The following MOB3B variants were observed in gnomAD, a reference collection of about 807,000 sequenced individuals.
The protein encoded by MOB3B is MOB kinase activator-like 2B.
Under a neutral mutation model 18.7 loss-of-function variants are expected in MOB3B, and 7 were observed. The observed-to-expected ratio is 0.37, with a 90% CI of 0.21 to 0.70. MOB3B has a LOEUF of 0.70. Ranked by LOEUF, MOB3B falls within the 30% of genes least tolerant of loss-of-function variation. MOB3B has a pLI of 0.52. For synonymous variants in MOB3B, 111 were observed against 99.9 expected, an observed-to-expected ratio of 1.11 and a Z score of -0.66; for missense variants, 253 against 281.3, an observed-to-expected ratio of 0.90 and a Z score of 0.72.
chr9:27,335,556 A>G (rs1392024161), intron 3 of MOB3B, among the ~76,000 whole-genome samples: 2 of 152,138 alleles, frequency 1.3e-5, no homozygotes, highest in South Asian at 2.1e-4. Context: ...CCAAGTCTCC[A>G]CTGTAACATA....
intron 2 of MOB3B, among the ~76,000 whole-genome samples, chr9:27,395,531 G>A (rs1244546621): frequency 6.6e-6 from 1 of 152,144 alleles, no homozygotes; most frequent in Non-Finnish European, 1.5e-5. Context: ...TGGAACAGTT[G>A]CTAGCCTGCT....
intron 3 of MOB3B, among the ~76,000 whole-genome samples, chr9:27,340,288 C>T (rs143496629): frequency 1.5e-4 from 23 of 152,312 alleles, no homozygotes; most frequent in Non-Finnish European, 2.5e-4. Context: ...TCGCCACCCA[C>T]GGAGAATATT....
At chr9:27,441,054 T>A (rs985321328) in intron 2 of MOB3B, among the ~76,000 whole-genome samples, 14 of 152,190 alleles carry the variant, frequency 9.2e-5, no homozygotes, top group African/African-American at 3.4e-4. Flanking sequence ...CATGAGAATC[T>A]AACACCGCCA....
intron 1 of MOB3B, among the ~76,000 whole-genome samples, chr9:27,509,933 C>G (rs1820118936): frequency 6.6e-6 from 1 of 152,170 alleles, no homozygotes; most frequent in Non-Finnish European, 1.5e-5. Context: ...CCATATTGCC[C>G]AGGCTGGTCT....
chr9:27,504,866 C>G (rs1484434876), intron 1 of MOB3B, among the ~76,000 whole-genome samples: 1 of 152,148 alleles, frequency 6.6e-6, no homozygotes, highest in East Asian at 1.9e-4. Context: ...GCTGGAGGTT[C>G]TCAGGGAGAA....
At chr9:27,439,364 C>T (rs1375252312) in intron 2 of MOB3B, among the ~76,000 whole-genome samples, 8 of 152,142 alleles carry the variant, frequency 5.3e-5, no homozygotes, top group East Asian at 1.9e-4. Context: ...TCTTCCTAGC[C>T]GGTGAGACTT....
intron 2 of MOB3B, among the ~76,000 whole-genome samples, chr9:27,444,960 A>C (rs1587219713): frequency 6.6e-6 from 1 of 152,224 alleles, no homozygotes; most frequent in South Asian, 2.1e-4. Flanking sequence ...TTGGTATTCA[A>C]ATTTTGATCA....
chr9:27,332,899 T>C (rs561952308), intron 3 of MOB3B, among the ~76,000 whole-genome samples: 1 of 152,374 alleles, frequency 6.6e-6, no homozygotes, highest in South Asian at 2.1e-4. Context: ...GGTTAAAGCC[T>C]CTAAGATAGT....
At chr9:27,482,743 A>C (rs1055794682) in intron 1 of MOB3B, among the ~76,000 whole-genome samples, 1 of 152,224 alleles carries the variant, frequency 6.6e-6, no homozygotes, top group African/African-American at 2.4e-5. Flanking sequence ...GGTTCCTGAC[A>C]AAATCCCTGT....
intron 2 of MOB3B, among the ~76,000 whole-genome samples, chr9:27,376,143 CATAA>C (rs1351419112): frequency 1.3e-5 from 2 of 152,198 alleles, no homozygotes; most frequent in Admixed American, 6.5e-5. Context: ...TTGTACTTGA[CATAA>C]GTATTAGATA....
At chr9:27,350,095 A>G (rs967339856) in intron 3 of MOB3B, among the ~76,000 whole-genome samples, 1 of 152,196 alleles carries the variant, frequency 6.6e-6, no homozygotes, top group South Asian at 2.1e-4. Context: ...AGGCTAAGAA[A>G]CTAATTTTTA....
At chr9:27,516,832 C>T (rs770902421) in intron 1 of MOB3B, among the ~76,000 whole-genome samples, 5 of 152,154 alleles carry the variant, frequency 3.3e-5, no homozygotes, top group African/African-American at 4.8e-5. Flanking sequence ...TCTATCTCTC[C>T]TGGCAGCATC....
intron 2 of MOB3B, among the ~76,000 whole-genome samples, chr9:27,430,871 A>G (rs1822407448): frequency 6.6e-6 from 1 of 150,960 alleles, no homozygotes; most frequent in Non-Finnish European, 1.5e-5. Flanking sequence ...CGTTCAGATC[A>G]TTAACCCCAT....
intron 3 of MOB3B, among the ~76,000 whole-genome samples, chr9:27,345,784 G>T (rs1323615236): frequency 6.6e-6 from 1 of 152,182 alleles, no homozygotes; most frequent in Admixed American, 6.5e-5. Flanking sequence ...CATGGGCTCA[G>T]GTATCTAAAG....
At position 27,326,198 on chromosome 9, in the gene MOB3B, C is replaced by G; in HGVS notation, c.*4389G>C. On this transcript the variant is annotated 3_prime_UTR_variant, in exon 4 of 4. Coordinates refer to ENST00000262244, the MANE Select transcript of MOB3B (RefSeq NM_024761.5). ...TTCTTTTCATGTTCACTGCTGGTCACAGCCATAACAGAGAGTGATGTGGAG... is the reference window on the plus strand; with the variant it reads ...TTCTTTTCATGTTCACTGCTGGTCAGAGCCATAACAGAGAGTGATGTGGAG... The G allele has an allele frequency of 8.5e-6, 3 of 351,610 alleles. No individual in the cohort carries two copies. The allele number at this position is 351,610 out of a possible 1,614,324, so 21.8% of individuals were successfully genotyped here. A position where few individuals can be genotyped will look rare whatever the true frequency, so the allele number is the denominator to read the frequency against.
intron 2 of MOB3B, among the ~76,000 whole-genome samples, chr9:27,383,105 G>A (rs1310135925): frequency 6.6e-6 from 1 of 151,922 alleles, no homozygotes. Context: ...AAGGTGAGGG[G>A]GTTAAGAGCG....
intron 2 of MOB3B, among the ~76,000 whole-genome samples, chr9:27,431,818 G>A (rs927292523): frequency 6.6e-6 from 1 of 152,156 alleles, no homozygotes; most frequent in African/African-American, 2.4e-5. Flanking sequence ...AAATTTATTT[G>A]TTCAGAAAAG....
chr9:27,347,779 C>G (rs1010038134), intron 3 of MOB3B, among the ~76,000 whole-genome samples: 5 of 152,186 alleles, frequency 3.3e-5, no homozygotes, highest in Non-Finnish European at 7.3e-5. Context: ...TTTAGATACA[C>G]AAATACTTAC....
chr9:27,341,545 A>G (rs1341552596), intron 3 of MOB3B, among the ~76,000 whole-genome samples: 2 of 152,220 alleles, frequency 1.3e-5, no homozygotes, highest in Non-Finnish European at 2.9e-5. Flanking sequence ...GAGTAAATAG[A>G]CATGAAACAA....
Sources: gnomAD v4.1 joint callset for allele counts (sites outside exome capture counted in the v4.1 genomes callset) on GRCh38, gnomAD v4.1.1 for gene constraint, MANE v1.5 for transcripts, NCBI Gene and HGNC (gene_info 2026-07-23, HGNC 2026-07-21) for gene names.